Variants in UBTD2 observed in about 807,000 individuals in gnomAD.
The protein encoded by UBTD2 is ubiquitin domain-containing protein 2.
UBTD2 carries 9 observed loss-of-function variants against 19.8 expected under a neutral mutation model. The observed-to-expected ratio is 0.46, with a 90% CI of 0.27 to 0.79. UBTD2 has a LOEUF of 0.79. Among genes scored for constraint, UBTD2 ranks in the 30% least tolerant of loss-of-function variants. UBTD2 has a pLI of 0.14. For synonymous variants in UBTD2, 98 were observed against 103.9 expected, an observed-to-expected ratio of 0.94 and a Z score of 0.35; for missense variants, 250 against 300.4, an observed-to-expected ratio of 0.83 and a Z score of 1.24.
At chr5:172,249,401 GAAAAAAAAAA>G (rs756803780) in intron 1 of UBTD2, among the ~76,000 whole-genome samples, 1 of 63,294 alleles carries the variant, frequency 1.6e-5, no homozygotes, top group Non-Finnish European at 2.9e-5. Flanking sequence ...TCCGTCTCAT[GAAAAAAAAAA>G]AAAAAAAAAA....
chr5:172,249,819 C>T (rs760626978), intron 1 of UBTD2, among the ~76,000 whole-genome samples: 4 of 152,254 alleles, frequency 2.6e-5, no homozygotes, highest in Admixed American at 6.5e-5. Context: ...GGGGAACCCA[C>T]GTGATCATCT....
intron 1 of UBTD2, among the ~76,000 whole-genome samples, chr5:172,270,677 T>C (rs754404987): frequency 2.0e-5 from 3 of 152,064 alleles, no homozygotes; most frequent in Non-Finnish European, 2.9e-5. Context: ...TTTTTCAGAT[T>C]TGAATACTTG....
chr5:172,283,565 G>T lies in UBTD2; in HGVS notation c.70+31C>A. The T allele has an allele frequency of 7.8e-7, 1 of 1,286,402 alleles. No individual in the cohort carries two copies. Among genetic ancestry groups the T allele is most frequent in the Non-Finnish European group, 9.9e-7 (1 of 1,011,430 alleles). The allele number at this position is 1,286,402 out of a possible 1,614,324, so 79.7% of individuals were successfully genotyped here. A position where few individuals can be genotyped will look rare whatever the true frequency, so the allele number is the denominator to read the frequency against. On this transcript the variant is annotated intron_variant, in intron 1 of 2. Transcript: ENST00000393792. The surrounding 1 kb of genome is among the most constrained non-coding windows in gnomAD (Gnocchi z 4.3). ...GCCGGGCCTGGCCGGGAACAATGGG[G>T]GGCCGAGGCTGCCCCCTGGCGCTCA...
chr5:172,222,690 T>C lies in UBTD2; in HGVS notation c.308-10463A>G, dbSNP rs535318175. 9.9e-5 allele frequency among the ~76,000 whole-genome samples: 15 copies of C among 152,254 alleles called. No individual in the cohort carries two copies. In the South Asian group the frequency reaches 1.0e-3, roughly 11 times the overall value. On this transcript the variant is annotated intron_variant, in intron 2 of 2. Coordinates refer to ENST00000393792, the MANE Select transcript of UBTD2 (RefSeq NM_152277.3). Reference sequence around the variant, plus strand: ...CGAAGGGAATCCCAAGAAATAGAAATGATACGGAAATAAGAATAATTACAA... The same window carrying C: ...CGAAGGGAATCCCAAGAAATAGAAACGATACGGAAATAAGAATAATTACAA...
In UBTD2 at chr5:172,283,761, G is replaced by T. The variant is rs1247488567; in HGVS notation, c.-96C>A. The T allele has an allele frequency of 1.0e-5, 9 of 878,668 alleles. No individual in the cohort carries two copies. Among genetic ancestry groups the T allele is most frequent in the Non-Finnish European group, 1.3e-5 (9 of 700,678 alleles). The allele number at this position is 878,668 out of a possible 1,614,324, so 54.4% of individuals were successfully genotyped here. On this transcript the variant is annotated 5_prime_UTR_variant, in exon 1 of 3. Coordinates refer to ENST00000393792, the MANE Select transcript of UBTD2 (RefSeq NM_152277.3). This position sits in a 1 kb window ranked among gnomAD's most constrained non-coding sequence, Gnocchi z 4.3. ...TCCTCCGGCGCCACCGCCGAGCTCC[G>T]GACAGGCGCGCCGCTCCGCTCGCCC...
At chr5:172,219,024 A>AGG (rs1771603999) in intron 2 of UBTD2, among the ~76,000 whole-genome samples, 1 of 152,136 alleles carries the variant, frequency 6.6e-6, no homozygotes, top group Admixed American at 6.5e-5. Context: ...ATGCCTACAC[A>AGG]TTTGATAAAC....
rs980546006 is a variant in UBTD2 at position 172,235,787 on chromosome 5, T to C, written c.71-1429A>G. 3.9e-5 allele frequency among the ~76,000 whole-genome samples: 6 copies of C among 152,052 alleles called. No individual in the cohort carries two copies. In the South Asian group the frequency reaches 1.2e-3, roughly 32 times the overall value. On this transcript the variant is annotated intron_variant, in intron 1 of 2. Coordinates refer to ENST00000393792, the MANE Select transcript of UBTD2 (RefSeq NM_152277.3). ...CTGTAAGATTATACAGTGCTATAGA[T>C]AGGGAATAGTTTGATAGATGGGATA...
At chr5:172,254,901 T>C (rs879702274) in intron 1 of UBTD2, 2 of 502,952 alleles carry the variant, frequency 4.0e-6, no homozygotes, top group Admixed American at 5.8e-5. Context: ...ATCTCCTCCA[T>C]GGAAGACCTC....
At chr5:172,251,314 C>CAAAAAAAAAAAAAGAAAAAAAA (rs57577423) in intron 1 of UBTD2, among the ~76,000 whole-genome samples, 3 of 118,214 alleles carry the variant, frequency 2.5e-5, no homozygotes, top group African/African-American at 1.0e-4. Context: ...GAGCCTATCT[C>CAAAAAAAAAAAAAGAAAAAAAA]AAAAAAAAAA....
At chr5:172,246,170 T>A (rs1476513179) in intron 1 of UBTD2, among the ~76,000 whole-genome samples, 1 of 152,132 alleles carries the variant, frequency 6.6e-6, no homozygotes, top group Non-Finnish European at 1.5e-5. Flanking sequence ...CAAATGAACG[T>A]TTTTAGCAGA....
At chr5:172,241,854 A>G (rs926315872) in intron 1 of UBTD2, among the ~76,000 whole-genome samples, 8 of 152,158 alleles carry the variant, frequency 5.3e-5, no homozygotes, top group African/African-American at 1.9e-4. Context: ...CCTCATCTCT[A>G]CAAAAAATAC....
rs924742101 is a variant in UBTD2, at chr5:172,283,228, C to A, written c.70+368G>T. Among the ~76,000 whole-genome samples the A allele has an allele frequency of 1.3e-5, 2 of 152,202 alleles. No individual in the cohort carries two copies. Among genetic ancestry groups the A allele is most frequent in the East Asian group, 1.9e-4 (1 of 5,196 alleles). ...AGGGAACGCATCAAGCTCCCTCCCCCCGCCATCAATTCGCTTTTCTGCAAC... is the reference window on the plus strand; with the variant it reads ...AGGGAACGCATCAAGCTCCCTCCCCACGCCATCAATTCGCTTTTCTGCAAC... On this transcript the variant is annotated intron_variant, in intron 1 of 2. Coordinates refer to ENST00000393792, the MANE Select transcript of UBTD2 (RefSeq NM_152277.3). The surrounding 1 kb of genome is among the most constrained non-coding windows in gnomAD (Gnocchi z 4.3).
intron 1 of UBTD2, among the ~76,000 whole-genome samples, chr5:172,259,302 C>T (rs932817735): frequency 2.0e-5 from 3 of 152,032 alleles, no homozygotes; most frequent in African/African-American, 7.2e-5. Context: ...ACCACCACGC[C>T]TGGCTAATTT....
intron 1 of UBTD2, among the ~76,000 whole-genome samples, chr5:172,249,804 T>C (rs983580781): frequency 4.6e-5 from 7 of 152,198 alleles, no homozygotes; most frequent in African/African-American, 1.7e-4. Context: ...ATTAATAGAA[T>C]TAAGGGGGAA....
intron 1 of UBTD2, among the ~76,000 whole-genome samples, chr5:172,263,548 A>G (rs1158889019): frequency 1.3e-5 from 2 of 152,192 alleles, no homozygotes; most frequent in African/African-American, 2.4e-5. Flanking sequence ...TAGTCCCAGC[A>G]CTTTGGGAGG....
chr5:172,243,708 G>A (rs1485786651), intron 1 of UBTD2, among the ~76,000 whole-genome samples: 4 of 151,382 alleles, frequency 2.6e-5, no homozygotes, highest in Non-Finnish European at 5.9e-5. Context: ...GATTACAGAC[G>A]CCTGCCACCA....
chr5:172,225,529 T>A (rs1004202032), intron 2 of UBTD2, among the ~76,000 whole-genome samples: 2 of 152,206 alleles, frequency 1.3e-5, no homozygotes, highest in African/African-American at 4.8e-5. Context: ...TCACTGTTTA[T>A]CCCTCTGTGC....
At chr5:172,246,130 G>T (rs1236326653) in intron 1 of UBTD2, among the ~76,000 whole-genome samples, 1 of 152,198 alleles carries the variant, frequency 6.6e-6, no homozygotes, top group Non-Finnish European at 1.5e-5. Flanking sequence ...TCCATGGTGG[G>T]GTGGGAGAGG....
chr5:172,217,245 G>A (rs979791599), intron 2 of UBTD2, among the ~76,000 whole-genome samples: 4 of 135,584 alleles, frequency 3.0e-5, no homozygotes, highest in Admixed American at 7.9e-5. Context: ...AACCCTGTCT[G>A]TAGTAAAAAT....
Sources: gnomAD v4.1 joint callset for allele counts (sites outside exome capture counted in the v4.1 genomes callset) on GRCh38, gnomAD v4.1.1 for gene constraint, Gnocchi (gnomAD v3.1) non-coding constraint, MANE v1.5 for transcripts, NCBI Gene and HGNC (gene_info 2026-07-23, HGNC 2026-07-21) for gene names.